ABCA4: variants seen among roughly 807,000 people sequenced by gnomAD.
ABCA4 encodes ATP binding cassette subfamily A member 4, also known as retinal-specific phospholipid-transporting ATPase ABCA4.
ABCA4 carries 196 observed loss-of-function variants against 263.7 expected under a neutral mutation model. The observed-to-expected ratio is 0.74, with a 90% CI of 0.66 to 0.84. The LOEUF (loss-of-function observed/expected upper bound fraction) is 0.84, where lower values mean the gene tolerates loss of function less well. ABCA4 is among the 40% of genes least tolerant of loss of function. The pLI is 0.00. For missense variants in ABCA4, 2,792 were observed against 2,855.1 expected (o/e 0.98, Z 0.50); for synonymous variants, 1,133 against 1,094.2 (o/e 1.04, Z -0.70).
intron 6 of ABCA4, among the ~76,000 whole-genome samples, chr1:94,083,866 A>C (rs1298400839): frequency 6.6e-6 from 1 of 152,216 alleles, no homozygotes; most frequent in African/African-American, 2.4e-5. Flanking sequence ...CATTGTTTAC[A>C]TCTTTCTTCC....
intron 14 of ABCA4, among the ~76,000 whole-genome samples, chr1:94,057,591 T>C (rs1661016616): frequency 6.6e-6 from 1 of 152,250 alleles, no homozygotes; most frequent in East Asian, 1.9e-4. Flanking sequence ...TACCAGTAAT[T>C]AATCCAAATC....
Position 93,998,008 on chromosome 1 carries a change from T to G in ABCA4, c.6582A>C (p.Pro2194=). 6.2e-7 allele frequency: 1 copy of G among 1,614,174 alleles called. No homozygotes were observed. Among genetic ancestry groups the G allele is most frequent in the Non-Finnish European group, 8.5e-7 (1 of 1,180,026 alleles). Residue 2194 remains proline, a synonymous_variant, in exon 48 of 50, where the codon CCA becomes CCC. Transcript: ENST00000370225. ...PVEQFFQGNF[P]GSVQRERHYN... ...AGTGCCTCTCCCTCTGCACACTGCCTGGGAAGTTCCCCTGGAAGAACTGCT... is the reference window on the plus strand; with the variant it reads ...AGTGCCTCTCCCTCTGCACACTGCCGGGGAAGTTCCCCTGGAAGAACTGCT...
At chr1:94,083,207 A>G (rs1661745683) in intron 7 of ABCA4, 145 bp downstream of exon 7, 2 of 792,670 alleles carry the variant, frequency 2.5e-6, no homozygotes, top group Non-Finnish European at 4.4e-6. Context: ...TGGGATGTGA[A>G]CAGGTGCTTT....
At chr1:94,114,105 G>C (rs772876784) in intron 1 of ABCA4, among the ~76,000 whole-genome samples, 15 of 152,214 alleles carry the variant, frequency 9.9e-5, no homozygotes, top group Non-Finnish European at 7.3e-5. Context: ...TCAGCTAGGG[G>C]CTATTCACAT....
chr1:94,012,379 G>A (rs17391542), intron 38 of ABCA4, among the ~76,000 whole-genome samples: 12,605 of 152,240 alleles, frequency 0.083, 703 homozygotes, highest in Non-Finnish European at 0.12. Flanking sequence ...GGCTCAGAGA[G>A]TGCCTTCCCT....
chr1:93,995,988 TG>T, intron 49 of ABCA4, 120 bp downstream of exon 49: 1 of 811,282 alleles, frequency 1.2e-6, no homozygotes, highest in Non-Finnish European at 2.0e-6. Context: ...GACCGTGGTG[TG>T]GGTGGGGCTC....
At chr1:94,010,132 A>C (rs1450229654) in intron 40 of ABCA4, among the ~76,000 whole-genome samples, 1 of 152,208 alleles carries the variant, frequency 6.6e-6, no homozygotes, top group Admixed American at 6.5e-5. Flanking sequence ...CTATTGGGGA[A>C]AGCTTGCTAG....
intron 31 of ABCA4, among the ~76,000 whole-genome samples, chr1:94,024,308 C>T (rs1436820134): frequency 1.3e-5 from 2 of 152,106 alleles, no homozygotes; most frequent in Non-Finnish European, 2.9e-5. Context: ...TGTTCTGATA[C>T]GGGCTGCCAA....
intron 36 of ABCA4, chr1:94,018,527 A>G: frequency 2.2e-6 from 1 of 454,938 alleles, no homozygotes; most frequent in South Asian, 1.6e-5. Flanking sequence ...GCTGCTTACT[A>G]AGCTGAGTAA....
Position 94,094,945 on chromosome 1 carries a change from G to T in ABCA4, c.768+3849C>A, listed in dbSNP as rs183266697. Among the ~76,000 whole-genome samples, 4 of 152,316 alleles carry T rather than the reference G, an allele frequency of 2.6e-5. No individual in the cohort carries two copies. In the East Asian group the frequency reaches 5.8e-4, roughly 22 times the overall value. Reference sequence around the variant, plus strand: ...TGAGCTTCTGGGTTTCAAGCTGGGGGCGTTAAGCCTGCAAAGGCCGCAGGT... The same window carrying T: ...TGAGCTTCTGGGTTTCAAGCTGGGGTCGTTAAGCCTGCAAAGGCCGCAGGT... On this transcript the variant is annotated intron_variant, in intron 6 of 49. Transcript: ENST00000370225.
intron 38 of ABCA4, among the ~76,000 whole-genome samples, chr1:94,012,446 T>C (rs547144429): frequency 1.3e-5 from 2 of 152,338 alleles, no homozygotes; most frequent in Admixed American, 1.3e-4. Flanking sequence ...CCAGCACTTA[T>C]CACATTCCCA....
At chr1:94,020,911 C>T (rs1423324346) in intron 35 of ABCA4, among the ~76,000 whole-genome samples, 1 of 152,244 alleles carries the variant, frequency 6.6e-6, no homozygotes, top group East Asian at 1.9e-4. Context: ...GAAAGGTTTA[C>T]TGAACTTTGC....
chr1:94,012,908 ACACGG>A (rs1659591014), intron 38 of ABCA4, among the ~76,000 whole-genome samples: 3 of 152,192 alleles, frequency 2.0e-5, no homozygotes, highest in African/African-American at 7.2e-5. Context: ...TCCTGATCTC[ACACGG>A]GCCGGCAGCT....
At chr1:94,091,156 G>A (rs972041861) in intron 6 of ABCA4, among the ~76,000 whole-genome samples, 3 of 152,200 alleles carry the variant, frequency 2.0e-5, no homozygotes, top group Non-Finnish European at 4.4e-5. Context: ...ATGTATTTTT[G>A]TGTGGTTAAT....
At chr1:94,047,183 TAACG>T in intron 18 of ABCA4, 90 bp from the exon 19 acceptor site, 2 of 1,416,280 alleles carry the variant, frequency 1.4e-6, no homozygotes, top group Middle Eastern at 1.8e-4. Context: ...ATTCTGCCTA[TAACG>T]TCACCTGCCC....
intron 16 of ABCA4, among the ~76,000 whole-genome samples, chr1:94,054,339 G>C (rs548955456): frequency 9.2e-5 from 14 of 152,316 alleles, no homozygotes; most frequent in African/African-American, 3.4e-4. Flanking sequence ...ATACATCATT[G>C]TATCAGATGG....
chr1:93,994,804 C>G (rs918797829), intron 49 of ABCA4, among the ~76,000 whole-genome samples: 1 of 152,150 alleles, frequency 6.6e-6, no homozygotes, highest in Non-Finnish European at 1.5e-5. Context: ...TTGGAATTAA[C>G]TGCTGTAGAT....
intron 35 of ABCA4, among the ~76,000 whole-genome samples, chr1:94,020,646 G>A (rs1463231657): frequency 2.0e-5 from 3 of 152,224 alleles, no homozygotes; most frequent in African/African-American, 7.2e-5. Flanking sequence ...CACTCAGCGT[G>A]TGCTAGGATA....
At chr1:94,037,461 T>A in intron 24 of ABCA4, 111 bp from the exon 25 acceptor site, 1 of 996,306 alleles carries the variant, frequency 1.0e-6, no homozygotes, top group South Asian at 1.3e-5. Context: ...AAGAGGTATT[T>A]TGTATCTCGG....
Sources: allele counts gnomAD v4.1 joint callset (sites outside exome capture counted in the v4.1 genomes callset), GRCh38; gene constraint gnomAD v4.1.1; transcripts MANE v1.5; gene names NCBI Gene and HGNC (gene_info 2026-07-23, HGNC 2026-07-21).